The following SH3TC1 variants were observed in gnomAD, a reference collection of about 807,000 sequenced individuals.
SH3TC1 encodes the protein SH3 domain and tetratricopeptide repeats 1.
Under a neutral mutation model 117.3 loss-of-function variants are expected in SH3TC1, and 135 were observed. That is an observed-to-expected ratio of 1.15 (90% confidence interval 1.00 to 1.33). The LOEUF (loss-of-function observed/expected upper bound fraction) is 1.33. Among genes scored for constraint, SH3TC1 ranks in the 40% most tolerant of loss-of-function variants. The pLI is 0.00. For missense variants in SH3TC1, 2,092 were observed against 1,794.3 expected, an observed-to-expected ratio of 1.17 and a Z score of -3.00; for synonymous variants, 898 against 816.9, an observed-to-expected ratio of 1.10 and a Z score of -1.69.
intron 11 of SH3TC1, among the ~76,000 whole-genome samples, chr4:8,226,256 C>G (rs1720450180): frequency 6.6e-6 from 1 of 152,218 alleles, no homozygotes; most frequent in Admixed American, 6.5e-5. Context: ...TGGGAATCCA[C>G]CAAAGCCAGC....
Position 8,228,307 on chromosome 4 carries a change from G to C in SH3TC1, c.2613G>C (p.Val871=). 6.2e-7 allele frequency: 1 copy of C among 1,612,230 alleles called. No homozygotes were observed. Among genetic ancestry groups the C allele is most frequent in the Non-Finnish European group, 8.5e-7 (1 of 1,179,914 alleles). ...QEGVIANMVA[V]ALKRTGRTRQ... ...GCGTGATTGCCAACATGGTGGCCGT[G>C]GCTCTGAAGAGGACGGGCCGGACGA... The change falls in exon 12 of 18, where the codon GTG becomes GTC. Residue 871 remains valine, a synonymous_variant. Coordinates refer to ENST00000245105, the MANE Select transcript of SH3TC1 (RefSeq NM_018986.5).
At position 8,237,043 on chromosome 4, in the gene SH3TC1, C is replaced by T. The variant is rs60766476; in HGVS notation, c.3557-431C>T. 798 of 169,516 alleles carry T rather than the reference C, an allele frequency of 4.7e-3. 5 individuals are homozygous for T. The highest frequency in any genetic ancestry group is 0.021 in the African/African-American group (728 of 34,946). 10.5% of individuals were successfully genotyped at this position (169,516 alleles called of 1,614,324 possible). On this transcript the variant is annotated intron_variant, in intron 16 of 17. Transcript: ENST00000245105. ...ACCGGAGACAGCCTGGGTGGGCTCG[C>T]GCATCTGTGGGGGGACCTGGAGCTC...
Position 8,190,047 on chromosome 4 carries a change from C to T in SH3TC1, c.-57+7837C>T, listed in dbSNP as rs1254363491. Among the ~76,000 whole-genome samples, 8 of 152,148 alleles carry T rather than the reference C, an allele frequency of 5.3e-5. No individual in the cohort carries two copies. In the South Asian group the frequency reaches 6.2e-4, roughly 12 times the overall value. ...GGAGCGCGGCGTGGGTGCGTTGATG[C>T]GAGGCCAGGAAGTAGGGCCTGGAAA... On this transcript the variant is annotated intron_variant, in intron 1 of 16. Transcript: ENST00000508641. This position sits in a 1 kb window ranked among gnomAD's most constrained non-coding sequence, Gnocchi z 4.7.
intron 13 of SH3TC1, chr4:8,232,377 T>TTCCC (rs1455554971): frequency 4.4e-6 from 7 of 1,581,586 alleles, no homozygotes; most frequent in Non-Finnish European, 6.0e-6. Flanking sequence ...GTGACACGTC[T>TTCCC]TCCCATCCCT....
Position 8,225,280 on chromosome 4 carries a change from G to A in SH3TC1, c.1285+64G>A, listed in dbSNP as rs1008496011. On this transcript the variant is annotated intron_variant, in intron 11 of 17. Coordinates refer to ENST00000245105, the MANE Select transcript of SH3TC1 (RefSeq NM_018986.5). The surrounding 1 kb of genome is among the most constrained non-coding windows in gnomAD (Gnocchi z 5.5). ...AGCTGGGCCTTGGGGTAACGCTGGGGGAGGTGACAAAGCTGAGCACGGTGG... is the reference window on the plus strand; with the variant it reads ...AGCTGGGCCTTGGGGTAACGCTGGGAGAGGTGACAAAGCTGAGCACGGTGG... 9.0e-6 allele frequency: 14 copies of A among 1,557,948 alleles called. No homozygotes were observed. The highest frequency in any genetic ancestry group is 7.4e-5 in the Admixed American group (4 of 54,374).
chr4:8,222,750 T>C, intron 9 of SH3TC1, 90 bp from the exon 10 acceptor site: 1 of 1,505,864 alleles, frequency 6.6e-7, no homozygotes, highest in Admixed American at 1.8e-5. Flanking sequence ...AGACTATCTG[T>C]CTGTCAAATC....
At position 8,237,494 on chromosome 4, in the gene SH3TC1, G is replaced by A. The variant is rs372420176; in HGVS notation, c.3577G>A (p.Val1193Met). ...CCCAGGGGACCGGCTGAACGAGCGC[G>A]TGGCCTACCACCGGCTGGCCGCCCT... ...ITLGDRLNERVAYHRLAALQH... is the reference protein window; with the variant it reads ...ITLGDRLNERMAYHRLAALQH... Residue 1193 changes from valine (V) to methionine (M), a missense_variant, in exon 17 of 18, where the codon GTG becomes ATG. Coordinates refer to ENST00000245105, the MANE Select transcript of SH3TC1 (RefSeq NM_018986.5). The A allele has an allele frequency of 1.9e-5, 30 of 1,596,124 alleles. No homozygotes were observed. Among genetic ancestry groups the A allele is most frequent in the Middle Eastern group, 1.9e-4 (1 of 5,308 alleles).
upstream of SH3TC1, among the ~76,000 whole-genome samples, chr4:8,194,781 C>G (rs988805141): frequency 3.3e-5 from 5 of 152,190 alleles, no homozygotes; most frequent in African/African-American, 1.2e-4. Context: ...AACTCTGGAG[C>G]TTGGTGCTCG....
chr4:8,240,358 C>T (rs1470009006), intron 17 of SH3TC1, among the ~76,000 whole-genome samples: 1 of 152,190 alleles, frequency 6.6e-6, no homozygotes, highest in East Asian at 1.9e-4. Flanking sequence ...TGTGCCCCTG[C>T]TGTGGCTGGG....
intron 15 of SH3TC1, chr4:8,235,818 T>A (rs760196960): frequency 5.6e-5 from 22 of 394,504 alleles, no homozygotes; most frequent in Non-Finnish European, 8.0e-5. Context: ...GTCCCCATCT[T>A]ACAGATGAGG....
intron 12 of SH3TC1, among the ~76,000 whole-genome samples, chr4:8,230,873 G>C (rs541605261): frequency 4.0e-5 from 6 of 148,842 alleles, no homozygotes; most frequent in African/African-American, 1.5e-4. Context: ...ACCTCTACCC[G>C]GGTTCAAGCC....
Position 8,237,661 on chromosome 4 carries a change from C to A in SH3TC1, c.3744C>A (p.Tyr1248Ter), listed in dbSNP as rs747258445. 6 of 1,602,856 alleles carry A rather than the reference C, an allele frequency of 3.7e-6. No individual in the cohort carries two copies. The highest frequency in any genetic ancestry group is 5.1e-6 in the Non-Finnish European group (6 of 1,173,846). The change falls in exon 17 of 18, where the codon TAC becomes TAA. Residue 1248 changes from tyrosine (Y) to a stop codon, truncating the protein, a stop_gained. Coordinates refer to ENST00000245105, the MANE Select transcript of SH3TC1 (RefSeq NM_018986.5). LOFTEE classifies it low-confidence loss of function (END_TRUNC). ...VYLVLGDIIF[Y>*]DLKDPFDAAG... The stretch of plus-strand genomic sequence containing the variant: ...TGGTGCTCGGTGACATCATCTTCTA[C>A]GACCTGAAGGTGGGTGGGGAGGGGC...
intron 1 of SH3TC1, among the ~76,000 whole-genome samples, chr4:8,201,189 G>A (rs1717808977): frequency 6.6e-6 from 1 of 152,158 alleles, no homozygotes; most frequent in African/African-American, 2.4e-5. Context: ...TTCAGGGCTG[G>A]CCGCGGCCCT....
chr4:8,209,870 G>A lies in SH3TC1; in HGVS notation c.247+48G>A. ...AGGGCTTCAGGTTCAAATCCGGGCT[G>A]TGCCGCTCCCTGGGCATCCAAGAGT... On this transcript the variant is annotated intron_variant, in intron 3 of 17. Transcript: ENST00000245105. This position sits in a 1 kb window ranked among gnomAD's most constrained non-coding sequence, Gnocchi z 5.9. 1 of 1,580,578 alleles carries A rather than the reference G, an allele frequency of 6.3e-7. No homozygotes were observed. The highest frequency in any genetic ancestry group is 1.1e-5 in the South Asian group (1 of 88,164).
In SH3TC1 at chr4:8,205,773, G is replaced by A. The variant is rs1718156173; in HGVS notation, c.172+407G>A. 1.6e-6 allele frequency: 1 copy of A among 644,600 alleles called. No individual in the cohort carries two copies. The highest frequency in any genetic ancestry group is 2.3e-5 in the Admixed American group (1 of 43,156). The allele number at this position is 644,600 out of a possible 1,614,324, so 39.9% of individuals were successfully genotyped here. ...CAAGGTGCAGAGAGGGAAGGGCCGGGCCAGGCCACCCTGTGGTCAGGGGCC... is the reference window on the plus strand; with the variant it reads ...CAAGGTGCAGAGAGGGAAGGGCCGGACCAGGCCACCCTGTGGTCAGGGGCC... On this transcript the variant is annotated intron_variant, in intron 2 of 17. Coordinates refer to ENST00000245105, the MANE Select transcript of SH3TC1 (RefSeq NM_018986.5). This position sits in a 1 kb window ranked among gnomAD's most constrained non-coding sequence, Gnocchi z 5.4.
At chr4:8,220,092 A>G (rs768127945) in intron 9 of SH3TC1, among the ~76,000 whole-genome samples, 1 of 152,304 alleles carries the variant, frequency 6.6e-6, no homozygotes. Context: ...ATCTGACCTC[A>G]TCTTAGCTGA....
chr4:8,196,692 G>A (rs1425081724), upstream of SH3TC1, among the ~76,000 whole-genome samples: 1 of 152,154 alleles, frequency 6.6e-6, no homozygotes, highest in African/African-American at 2.4e-5. This position sits in a 1 kb window ranked among gnomAD's most constrained non-coding sequence, Gnocchi z 4.6. Flanking sequence ...GGTGGGGGCT[G>A]GGCAGGAAGA....
intron 10 of SH3TC1, among the ~76,000 whole-genome samples, chr4:8,223,832 G>T (rs1230713042): frequency 6.6e-6 from 1 of 151,934 alleles, no homozygotes; most frequent in Non-Finnish European, 1.5e-5. Context: ...ACAGAGTTTC[G>T]CCATGTTGGC....
chr4:8,236,331 G>A lies in SH3TC1; in HGVS notation c.3459G>A (p.Arg1153=). 6.4e-7 allele frequency: 1 copy of A among 1,553,644 alleles called. No homozygotes were observed. The highest frequency in any genetic ancestry group is 1.2e-5 in the South Asian group (1 of 84,302). ...CGGGCAACCGCAAGGCGGAGCTGCGGCTGTGCAACAAGCTGGTGGCACTGC... is the reference window on the plus strand; with the variant it reads ...CGGGCAACCGCAAGGCGGAGCTGCGACTGTGCAACAAGCTGGTGGCACTGC... The part of the protein sequence containing the change: ...VTTGNRKAEL[R]LCNKLVALLA... The change falls in exon 16 of 18, where the codon CGG becomes CGA. Residue 1153 remains arginine (R), a synonymous_variant. Coordinates refer to ENST00000245105, the MANE Select transcript of SH3TC1 (RefSeq NM_018986.5).
Sources: gnomAD v4.1 joint callset for allele counts (sites outside exome capture counted in the v4.1 genomes callset) on GRCh38, gnomAD v4.1.1 for gene constraint, Gnocchi (gnomAD v3.1) non-coding constraint, MANE v1.5 for transcripts, NCBI Gene and HGNC (gene_info 2026-07-23, HGNC 2026-07-21) for gene names.